The following CDKL4 variants were observed in gnomAD, a reference collection of about 807,000 sequenced individuals.
CDKL4 encodes cyclin dependent kinase like 4, also known as cyclin-dependent kinase-like 4.
CDKL4 carries 44 observed loss-of-function variants against 42.0 expected under a neutral mutation model. That is an observed-to-expected ratio of 1.05 (90% confidence interval 0.82 to 1.35). The LOEUF is 1.35. Ranked by LOEUF, CDKL4 falls within the 40% of genes most tolerant of loss-of-function variation. CDKL4 has a pLI of 0.00. For missense variants in CDKL4, 393 were observed against 369.9 expected (o/e 1.06, Z -0.51); for synonymous variants, 120 against 121.6 (o/e 0.99, Z 0.09).
chr2:39,232,454 A>G lies in CDKL4; in HGVS notation c.-56-2866T>C, dbSNP rs972571456. On this transcript the variant is annotated intron_variant, in intron 1 of 9. Coordinates refer to ENST00000451199, the Ensembl canonical transcript of CDKL4. Reference sequence around the variant, plus strand: ...CCAACTGCTTGATGAGTATCTCTACATGAATGGACAGAATCATCTAAAAAT... The same window carrying G: ...CCAACTGCTTGATGAGTATCTCTACGTGAATGGACAGAATCATCTAAAAAT... 2.6e-5 allele frequency among the ~76,000 whole-genome samples: 4 copies of G among 152,234 alleles called. No individual in the cohort carries two copies. The East Asian group carries it at 5.8e-4, about 22-fold the overall frequency.
intron 4 of CDKL4, 22 bp from the exon 5 acceptor site, chr2:39,204,639 A>G (rs754567684): frequency 2.0e-5 from 25 of 1,275,978 alleles, no homozygotes; most frequent in Non-Finnish European, 2.8e-5. Context: ...TTATTTGATT[A>G]TTTTTCTGAA....
At chr2:39,227,301 T>G (rs574491811) in intron 2 of CDKL4, among the ~76,000 whole-genome samples, 2 of 152,186 alleles carry the variant, frequency 1.3e-5, no homozygotes, top group Non-Finnish European at 2.9e-5. Context: ...ATTTTGCATA[T>G]AGTAGAAGCT....
Position 39,232,993 on chromosome 2 carries a change from C to T in CDKL4, c.-56-3405G>A, listed in dbSNP as rs551248005. ...CCAGGAGGCGGAGGTTGCAGTGAGCCGAGATCGTACCACTGCACTCCAGCC... is the reference window on the plus strand; with the variant it reads ...CCAGGAGGCGGAGGTTGCAGTGAGCTGAGATCGTACCACTGCACTCCAGCC... On this transcript the variant is annotated intron_variant, in intron 1 of 9. Transcript: ENST00000451199. Among the ~76,000 whole-genome samples, 11 of 126,596 alleles carry T rather than the reference C, an allele frequency of 8.7e-5. No individual in the cohort carries two copies. The South Asian group carries it at 1.3e-3, about 15-fold the overall frequency. The allele number at this position is 126,596 out of a possible 152,430, so 83.1% of individuals were successfully genotyped here. A position where few individuals can be genotyped will look rare whatever the true frequency, so the allele number is the denominator to read the frequency against.
chr2:39,184,849 C>T (rs1251805368), intron 7 of CDKL4, among the ~76,000 whole-genome samples: 1 of 151,746 alleles, frequency 6.6e-6, no homozygotes, highest in Non-Finnish European at 1.5e-5. Context: ...ATTTTTCCAC[C>T]TCAGCCTCCT....
intron 5 of CDKL4, among the ~76,000 whole-genome samples, chr2:39,197,302 T>C (rs955416906): frequency 1.2e-4 from 19 of 152,064 alleles, no homozygotes; most frequent in African/African-American, 4.6e-4. Flanking sequence ...ATTAAAAAAA[T>C]GAACAAAGCC....
exon 2 of CDKL4, chr2:39,229,494 C>A: frequency 6.2e-7 from 1 of 1,610,524 alleles, no homozygotes; most frequent in South Asian, 1.1e-5. Context: ...CCCCATAAGA[C>A]CCTTCTCCAG....
intron 5 of CDKL4, among the ~76,000 whole-genome samples, chr2:39,192,295 C>T (rs769653011): frequency 8.6e-5 from 13 of 152,030 alleles, no homozygotes; most frequent in Non-Finnish European, 1.5e-4. Flanking sequence ...GTTTTACCAC[C>T]CAAAGGTACT....
intron 8 of CDKL4, among the ~76,000 whole-genome samples, chr2:39,182,352 A>G (rs958922863): frequency 6.6e-5 from 10 of 152,188 alleles, no homozygotes; most frequent in Admixed American, 5.9e-4. Flanking sequence ...CTAAATACCT[A>G]TGAATTTTCA....
chr2:39,196,751 G>A (rs560500176), intron 5 of CDKL4, among the ~76,000 whole-genome samples: 4 of 152,270 alleles, frequency 2.6e-5, no homozygotes, highest in African/African-American at 9.6e-5. Context: ...GGGACTACAC[G>A]TACGTGCTGC....
At chr2:39,210,467 T>C (rs534295799) in intron 4 of CDKL4, among the ~76,000 whole-genome samples, 1 of 152,198 alleles carries the variant, frequency 6.6e-6, no homozygotes, top group Non-Finnish European at 1.5e-5. Flanking sequence ...CAGTTTGGGT[T>C]GACTGACTGA....
chr2:39,197,027 A>G (rs1676560363), intron 5 of CDKL4, among the ~76,000 whole-genome samples: 1 of 152,242 alleles, frequency 6.6e-6, no homozygotes, highest in Non-Finnish European at 1.5e-5. Context: ...TATTAAGCCA[A>G]TCAAGGAGGC....
At chr2:39,242,072 G>A (rs767546688) in intron 1 of CDKL4, among the ~76,000 whole-genome samples, 34 of 150,628 alleles carry the variant, frequency 2.3e-4, no homozygotes, top group Non-Finnish European at 3.2e-4. Flanking sequence ...CTGAGACAGG[G>A]TCTCGCTCTG....
intron 3 of CDKL4, among the ~76,000 whole-genome samples, chr2:39,219,096 C>T (rs1678141102): frequency 6.6e-6 from 1 of 152,198 alleles, no homozygotes; most frequent in African/African-American, 2.4e-5. Context: ...GTTATTATAG[C>T]CCCAGCACCT....
upstream of CDKL4, among the ~76,000 whole-genome samples, chr2:39,245,636 G>T (rs551820699): frequency 1.1e-4 from 17 of 152,288 alleles, no homozygotes; most frequent in Non-Finnish European, 2.2e-4. Flanking sequence ...TTAATACTGT[G>T]ATTACACCAT....
intron 1 of CDKL4, among the ~76,000 whole-genome samples, chr2:39,242,156 C>G (rs772360661): frequency 1.3e-5 from 2 of 151,964 alleles, no homozygotes; most frequent in Non-Finnish European, 2.9e-5. Context: ...AGCAATTCTC[C>G]TGCCTCAGCC....
chr2:39,228,135 G>A (rs1678870181), intron 2 of CDKL4, among the ~76,000 whole-genome samples: 2 of 152,168 alleles, frequency 1.3e-5, no homozygotes, highest in Admixed American at 6.5e-5. Flanking sequence ...TACTACCTGA[G>A]CATTAACTTT....
chr2:39,168,374 T>C, the CDKL4 span, among the ~76,000 whole-genome samples: 1 of 152,164 alleles, frequency 6.6e-6, no homozygotes, highest in Non-Finnish European at 1.5e-5. Context: ...AAAATACAAA[T>C]CATTTATATG....
In CDKL4 at chr2:39,196,142, C is replaced by T. The variant is rs150113862; in HGVS notation, c.455-5640G>A. On this transcript the variant is annotated intron_variant, in intron 5 of 9. Transcript: ENST00000451199. ...CGCAGCTGATGTGCTCTTGAGAGCACCAGCTCCTGGCTGGAGGTCAACCAA... is the reference window on the plus strand; with the variant it reads ...CGCAGCTGATGTGCTCTTGAGAGCATCAGCTCCTGGCTGGAGGTCAACCAA... Among the ~76,000 whole-genome samples, 63 of 152,326 alleles carry T rather than the reference C, an allele frequency of 4.1e-4. 1 individual carries two copies. The highest frequency in any genetic ancestry group is 1.4e-3 in the African/African-American group (60 of 41,568).
chr2:39,204,688 T>A, intron 4 of CDKL4, 71 bp from the exon 5 acceptor site: 1 of 797,104 alleles, frequency 1.3e-6, no homozygotes, highest in Non-Finnish European at 2.1e-6. Flanking sequence ...ACTACTAGTT[T>A]AAATAACAGA....
Sources: allele counts gnomAD v4.1 joint callset (sites outside exome capture counted in the v4.1 genomes callset), GRCh38; gene constraint gnomAD v4.1.1; transcripts MANE v1.5; gene names NCBI Gene and HGNC (gene_info 2026-07-23, HGNC 2026-07-21).